Variants in DIP2B observed in about 807,000 individuals in gnomAD.
The protein encoded by DIP2B is DIP2 acetate--CoA ligase B (putative), also known as disco-interacting protein 2 homolog B.
A neutral mutation model predicts 198.0 loss-of-function variants in DIP2B; 76 were observed. The ratio of observed to expected loss-of-function variants is 0.38; its 90% CI spans 0.32 to 0.46. DIP2B has a LOEUF of 0.46. Ranked by LOEUF, DIP2B falls within the 20% of genes least tolerant of loss-of-function variation. The probability of loss-of-function intolerance (pLI) is 0.99; values close to 1 mark genes in which losing one functional copy is unlikely to be tolerated. For missense variants in DIP2B, 1,559 were observed against 1,978.4 expected, an observed-to-expected ratio of 0.79 and a Z score of 4.02; for synonymous variants, 701 against 739.1, an observed-to-expected ratio of 0.95 and a Z score of 0.84.
At chr12:50,742,418 AAAAAC>A (rs1940266428) in intron 37 of DIP2B, among the ~76,000 whole-genome samples, 2 of 80,846 alleles carry the variant, frequency 2.5e-5, no homozygotes, top group African/African-American at 3.6e-5. Context: ...AAAAAAAAAA[AAAAAC>A]CACCTCTGTA....
In DIP2B at chr12:50,660,174, G is replaced by A. The variant is rs1428098800; in HGVS notation, c.302-20G>A. On this transcript the variant is annotated intron_variant, in intron 3 of 37. Coordinates refer to ENST00000301180, the MANE Select transcript of DIP2B (RefSeq NM_173602.3). Reference sequence around the variant, plus strand: ...TTTCAAGAGCCGGAAGCTAATAAATGCAAATGTTTGCTTTTTCAGATATCC... The same window carrying A: ...TTTCAAGAGCCGGAAGCTAATAAATACAAATGTTTGCTTTTTCAGATATCC... 3.8e-6 allele frequency: 6 copies of A among 1,594,990 alleles called. No homozygotes were observed. In the African/African-American group the frequency reaches 4.1e-5, roughly 11 times the overall value.
chr12:50,515,923 T>C (rs1958059481), intron 1 of DIP2B, among the ~76,000 whole-genome samples: 1 of 151,194 alleles, frequency 6.6e-6, no homozygotes, highest in Non-Finnish European at 1.5e-5. Context: ...GAATGTCCAC[T>C]TACTATCTCC....
intron 4 of DIP2B, 100 bp downstream of exon 4, chr12:50,660,419 C>A: frequency 1.5e-6 from 2 of 1,322,226 alleles, no homozygotes; most frequent in Non-Finnish European, 2.0e-6. Flanking sequence ...AGAATCTTCT[C>A]CCCGCCATTA....
intron 5 of DIP2B, among the ~76,000 whole-genome samples, 183 bp from the exon 6 acceptor site, chr12:50,674,291 G>C (rs925101459): frequency 2.0e-5 from 3 of 152,224 alleles, no homozygotes; most frequent in Middle Eastern, 3.4e-3. Context: ...GATATACCCT[G>C]GCTTAACTTA....
chr12:50,527,089 A>G (rs1017402079), intron 1 of DIP2B, among the ~76,000 whole-genome samples: 10 of 152,218 alleles, frequency 6.6e-5, no homozygotes, highest in African/African-American at 2.4e-4. Flanking sequence ...AAAACTGAAT[A>G]TTTCACATGC....
At chr12:50,569,747 A>G (rs1958597105) in intron 1 of DIP2B, among the ~76,000 whole-genome samples, 2 of 152,234 alleles carry the variant, frequency 1.3e-5, no homozygotes, top group African/African-American at 4.8e-5. Context: ...TGATTATCTT[A>G]AGAGTTATTA....
intron 1 of DIP2B, among the ~76,000 whole-genome samples, chr12:50,566,423 A>G (rs1488275887): frequency 2.6e-5 from 4 of 152,090 alleles, no homozygotes; most frequent in Non-Finnish European, 4.4e-5. Flanking sequence ...AAGCCCATTT[A>G]TTTTAATTCT....
intron 1 of DIP2B, among the ~76,000 whole-genome samples, chr12:50,506,608 C>G (rs200845577): frequency 7.0e-6 from 1 of 142,396 alleles, no homozygotes; most frequent in African/African-American, 2.6e-5. Flanking sequence ...TTCGGCCAGT[C>G]CCGGGAATCA....
At chr12:50,518,407 A>G (rs2139348662) in intron 1 of DIP2B, among the ~76,000 whole-genome samples, 1 of 152,216 alleles carries the variant, frequency 6.6e-6, no homozygotes, top group Admixed American at 6.5e-5. Flanking sequence ...GTATTTTAGT[A>G]GAGATGGACT....
At chr12:50,682,869 A>G (rs1939068290) in intron 9 of DIP2B, among the ~76,000 whole-genome samples, 1 of 152,186 alleles carries the variant, frequency 6.6e-6, no homozygotes, top group Non-Finnish European at 1.5e-5. Context: ...TTGTTGCTAA[A>G]TCACCAAAAG....
chr12:50,584,410 C>T (rs576398510), intron 1 of DIP2B, among the ~76,000 whole-genome samples: 4 of 152,330 alleles, frequency 2.6e-5, no homozygotes, highest in African/African-American at 9.6e-5. Flanking sequence ...TCACTTCTCT[C>T]CGTCTGCATT....
intron 2 of DIP2B, 128 bp downstream of exon 2, chr12:50,626,175 G>A (rs1002323935): frequency 6.4e-6 from 6 of 932,374 alleles, no homozygotes; most frequent in Admixed American, 5.3e-5. Flanking sequence ...AGAAAAAAAC[G>A]GAAGGAAAGA....
chr12:50,579,728 C>A (rs1958706224), intron 1 of DIP2B, among the ~76,000 whole-genome samples: 34 of 117,124 alleles, frequency 2.9e-4, no homozygotes, highest in South Asian at 1.2e-3. Context: ...TACATAGCTT[C>A]ATGGACCCCT....
chr12:50,706,460 T>G, intron 20 of DIP2B, 78 bp from the exon 21 acceptor site: 2 of 1,519,932 alleles, frequency 1.3e-6, no homozygotes, highest in Non-Finnish European at 1.8e-6. Flanking sequence ...TGAGATTTAT[T>G]TAAAGGCAGG....
intron 12 of DIP2B, among the ~76,000 whole-genome samples, chr12:50,687,738 G>T (rs988810688): frequency 8.6e-5 from 13 of 151,998 alleles, no homozygotes; most frequent in African/African-American, 2.9e-4. Context: ...GTTGAGGGCT[G>T]GGGGGCAAGG....
intron 1 of DIP2B, among the ~76,000 whole-genome samples, chr12:50,521,838 G>C (rs904384727): frequency 1.3e-5 from 2 of 151,494 alleles, no homozygotes; most frequent in Non-Finnish European, 2.9e-5. Context: ...TAGAGATAGG[G>C]TTTTGCTATG....
chr12:50,581,753 T>A (rs1958726414), intron 1 of DIP2B, among the ~76,000 whole-genome samples: 1 of 152,136 alleles, frequency 6.6e-6, no homozygotes, highest in East Asian at 1.9e-4. Context: ...TCAGGCATGG[T>A]TTGCTTGCCC....
At chr12:50,539,918 A>G (rs892308854) in intron 1 of DIP2B, among the ~76,000 whole-genome samples, 2 of 152,108 alleles carry the variant, frequency 1.3e-5, no homozygotes, top group African/African-American at 4.8e-5. Context: ...TCTTTTCTGC[A>G]TTATGAGATT....
At chr12:50,735,002 A>C (rs1940110457) in intron 33 of DIP2B, 71 bp from the exon 34 acceptor site, 1 of 1,561,750 alleles carries the variant, frequency 6.4e-7, no homozygotes. Context: ...GGAAGGCAGC[A>C]CCGAGCTGCA....
Sources: allele counts gnomAD v4.1 joint callset (sites outside exome capture counted in the v4.1 genomes callset), GRCh38; gene constraint gnomAD v4.1.1; transcripts MANE v1.5; gene names NCBI Gene and HGNC (gene_info 2026-07-23, HGNC 2026-07-21).